ANKRD44: variants seen among roughly 807,000 people sequenced by gnomAD.
ANKRD44 encodes the protein ankyrin repeat domain 44.
ANKRD44 carries 35 observed loss-of-function variants against 116.0 expected under a neutral mutation model. The observed-to-expected ratio is 0.30, with a 90% confidence interval of 0.23 to 0.40. ANKRD44 has a LOEUF of 0.40. ANKRD44 is among the 10% of genes least tolerant of loss of function. The pLI is 1.00. For synonymous variants in ANKRD44, 435 were observed against 461.8 expected (o/e 0.94, Z 0.74); for missense variants, 1,014 against 1,242.6 (o/e 0.82, Z 2.77).
chr2:197,049,707 C>T (rs2077069841), intron 16 of ANKRD44, among the ~76,000 whole-genome samples: 1 of 151,894 alleles, frequency 6.6e-6, no homozygotes, highest in Non-Finnish European at 1.5e-5. Flanking sequence ...GACTTGAACT[C>T]CTGGACTGAA....
At chr2:197,211,492 C>T (rs991061993) in intron 1 of ANKRD44, among the ~76,000 whole-genome samples, 1 of 152,154 alleles carries the variant, frequency 6.6e-6, no homozygotes, top group Admixed American at 6.5e-5. Context: ...ACATGTCTGC[C>T]TGAAAAATAC....
intron 1 of ANKRD44, among the ~76,000 whole-genome samples, chr2:197,309,028 G>A (rs1352552742): frequency 1.6e-4 from 25 of 152,216 alleles, no homozygotes; most frequent in Admixed American, 1.6e-3. Flanking sequence ...CATCCTTAGA[G>A]TCCTTACAAC....
intron 1 of ANKRD44, among the ~76,000 whole-genome samples, chr2:197,270,771 G>C (rs1242294890): frequency 6.6e-6 from 1 of 152,196 alleles, no homozygotes; most frequent in Non-Finnish European, 1.5e-5. Context: ...GCAGAAAGTG[G>C]GTACCGGCAG....
Position 197,310,715 on chromosome 2 carries a change from C to A in ANKRD44, c.-111G>T. 1 of 1,158,046 alleles carries A rather than the reference C, an allele frequency of 8.6e-7. No homozygotes were observed. 71.7% of individuals were successfully genotyped at this position (1,158,046 alleles called of 1,614,324 possible). A position where few individuals can be genotyped will look rare whatever the true frequency, so the allele number is the denominator to read the frequency against. On this transcript the variant is annotated 5_prime_UTR_variant, in exon 1 of 28. Transcript: ENST00000282272. ...AGGAGAAGGGAAAAAATCTGGCTCC[C>A]GAATTTGACAGCCCTCCCCCTGCTC...
rs1392217272 is a variant in ANKRD44, at chr2:196,990,466, ATT to A, written c.2924-819_2924-818del. 2.5e-6 allele frequency: 3 copies of A among 1,209,528 alleles called. No homozygotes were observed. In the African/African-American group the frequency reaches 4.7e-5, roughly 19 times the overall value. 74.9% of individuals were successfully genotyped at this position (1,209,528 alleles called of 1,614,324 possible). ...GTAGACTTTCACAGAAGTATCTTAG[ATT>A]TAAAGAAAATGTGAAACAAAACAAA... is the stretch of plus-strand genomic sequence containing the variant. On this transcript the variant is annotated intron_variant, in intron 27 of 27. Transcript: ENST00000282272.
chr2:197,095,131 T>C (rs2078132169), intron 10 of ANKRD44, among the ~76,000 whole-genome samples: 1 of 152,248 alleles, frequency 6.6e-6, no homozygotes, highest in South Asian at 2.1e-4. Context: ...AAGAGTTCTC[T>C]GTGAGAATTT....
chr2:197,172,978 A>G (rs1192732180), intron 2 of ANKRD44, among the ~76,000 whole-genome samples: 1 of 152,248 alleles, frequency 6.6e-6, no homozygotes, highest in Non-Finnish European at 1.5e-5. Flanking sequence ...GGTTAAATAG[A>G]TAATTTAGCT....
intron 18 of ANKRD44, 55 bp downstream of exon 18, chr2:197,013,456 A>G (rs1177427680): frequency 1.7e-5 from 27 of 1,564,592 alleles, no homozygotes; most frequent in Non-Finnish European, 2.4e-5. Context: ...TCCTTCTATT[A>G]AAACTTACGA....
intron 2 of ANKRD44, among the ~76,000 whole-genome samples, chr2:197,157,147 T>A (rs773410286): frequency 2.7e-4 from 41 of 150,380 alleles, no homozygotes; most frequent in Non-Finnish European, 5.2e-4. Context: ...AGCAGGCAAA[T>A]AAAACACATT....
Position 197,302,812 on chromosome 2 carries a change from C to T in ANKRD44, c.27+7766G>A, listed in dbSNP as rs2083951055. On this transcript the variant is annotated intron_variant, in intron 1 of 27. Transcript: ENST00000282272. ...CTGTGGTCACCATGTCAACTGCACC[C>T]AACTCTGGGCCAACCCTTCAGAAAT... Among the ~76,000 whole-genome samples the T allele has an allele frequency of 2.0e-5, 3 of 152,184 alleles. No homozygotes were observed. The South Asian group carries it at 6.2e-4, about 32-fold the overall frequency.
chr2:197,092,128 G>A (rs2078056395), intron 10 of ANKRD44, among the ~76,000 whole-genome samples: 1 of 152,162 alleles, frequency 6.6e-6, no homozygotes, highest in South Asian at 2.1e-4. Flanking sequence ...AGCATCACCA[G>A]GTGGCTCCTG....
At chr2:197,102,972 G>A (rs911815832) in intron 9 of ANKRD44, among the ~76,000 whole-genome samples, 20 of 152,136 alleles carry the variant, frequency 1.3e-4, no homozygotes, top group South Asian at 4.1e-4. Context: ...GCTCATGCCT[G>A]TAATCCCAGC....
In ANKRD44 at chr2:197,089,985, G is replaced by C; in HGVS notation, c.1148C>G (p.Ala383Gly). The C allele has an allele frequency of 6.2e-7, 1 of 1,614,054 alleles. No individual in the cohort carries two copies. The highest frequency in any genetic ancestry group is 8.5e-7 in the Non-Finnish European group (1 of 1,179,960). ...CAACTTTCTGCAGCAGTCAGAGTGA[G>C]CATTTAGGGCAGCTAAATGTAAAGG... Reference protein sequence around the residue: ...MFPLHLAALNAHSDCCRKLLS... With the variant: ...MFPLHLAALNGHSDCCRKLLS... The change falls in exon 11 of 28, where the codon GCT (alanine) becomes GGT (glycine). Residue 383 changes from alanine (A) to glycine (G), a missense_variant. By Grantham distance (60) the Ala-to-Gly change is moderately conservative. Transcript: ENST00000282272.
intron 2 of ANKRD44, among the ~76,000 whole-genome samples, chr2:197,168,138 A>G (rs2080141747): frequency 6.6e-6 from 1 of 152,144 alleles, no homozygotes; most frequent in Non-Finnish European, 1.5e-5. Context: ...CATGTGAGTG[A>G]AGTCACCTCT....
intron 16 of ANKRD44, among the ~76,000 whole-genome samples, chr2:197,044,697 C>T (rs1220321250): frequency 6.6e-6 from 1 of 152,136 alleles, no homozygotes; most frequent in Non-Finnish European, 1.5e-5. Flanking sequence ...TGAAAAGTGA[C>T]ATGATCTCGA....
intron 2 of ANKRD44, among the ~76,000 whole-genome samples, chr2:197,153,517 G>A (rs2079718484): frequency 6.6e-6 from 1 of 152,112 alleles, no homozygotes; most frequent in Non-Finnish European, 1.5e-5. Context: ...GACACAAAAT[G>A]GGAAGAATGC....
intron 25 of ANKRD44, among the ~76,000 whole-genome samples, chr2:196,995,808 T>A (rs1424955629): frequency 1.3e-5 from 2 of 152,334 alleles, no homozygotes; most frequent in East Asian, 3.9e-4. Context: ...CTGAATCCTA[T>A]AACATTTAGC....
chr2:197,020,595 T>G (rs1315446642), intron 17 of ANKRD44, among the ~76,000 whole-genome samples: 1 of 152,202 alleles, frequency 6.6e-6, no homozygotes, highest in East Asian at 1.9e-4. Context: ...CCTGGGCACA[T>G]GCAACCCTTC....
chr2:196,998,245 C>T, intron 25 of ANKRD44, 92 bp downstream of exon 25: 5 of 905,848 alleles, frequency 5.5e-6, no homozygotes, highest in Non-Finnish European at 8.5e-6. Flanking sequence ...AATTAAGAGC[C>T]ATGCTACACA....
Sources: allele counts gnomAD v4.1 joint callset (sites outside exome capture counted in the v4.1 genomes callset), GRCh38; gene constraint gnomAD v4.1.1; transcripts MANE v1.5; gene names NCBI Gene and HGNC (gene_info 2026-07-23, HGNC 2026-07-21).